Variants in PTPRU observed in about 807,000 individuals in gnomAD.
PTPRU encodes the protein protein tyrosine phosphatase receptor type U.
Under a neutral mutation model 166.3 loss-of-function variants are expected in PTPRU, and 69 were observed. The observed-to-expected ratio is 0.41, with a 90% confidence interval of 0.34 to 0.51. PTPRU has a LOEUF of 0.51. Ranked by LOEUF, PTPRU falls within the 20% of genes least tolerant of loss-of-function variation. PTPRU has a pLI of 0.09. For synonymous variants in PTPRU, 793 were observed against 814.0 expected, an observed-to-expected ratio of 0.97 and a Z score of 0.44; for missense variants, 1,657 against 2,013.7, an observed-to-expected ratio of 0.82 and a Z score of 3.39.
At chr1:29,243,116 C>T (rs1684130557) in intron 1 of PTPRU, among the ~76,000 whole-genome samples, 5 of 152,124 alleles carry the variant, frequency 3.3e-5, no homozygotes, top group Non-Finnish European at 1.5e-5. Context: ...CCAGGATGGT[C>T]TCCATCTCCT....
At chr1:29,259,775 G>A (rs780491751) in intron 5 of PTPRU, 95 bp from the exon 6 acceptor site, 374 of 1,387,058 alleles carry the variant, frequency 2.7e-4, no homozygotes, top group Non-Finnish European at 3.5e-4. Flanking sequence ...TGTCCGCGCG[G>A]TGTAGTAGGG....
chr1:29,263,931 C>G, intron 7 of PTPRU, among the ~76,000 whole-genome samples: 1 of 152,098 alleles, frequency 6.6e-6, no homozygotes, highest in East Asian at 1.9e-4. Flanking sequence ...AATCCCAGCA[C>G]TTTGGGGGGC....
At chr1:29,278,817 T>C (rs1260541488) in intron 8 of PTPRU, among the ~76,000 whole-genome samples, 195 bp from the exon 9 acceptor site, 1 of 152,284 alleles carries the variant, frequency 6.6e-6, no homozygotes, top group East Asian at 1.9e-4. Context: ...CTTGGGGCTT[T>C]ATGTACATCA....
At chr1:29,295,731 G>T (rs1448692635) in intron 15 of PTPRU, among the ~76,000 whole-genome samples, 3 of 151,902 alleles carry the variant, frequency 2.0e-5, no homozygotes, top group Non-Finnish European at 4.4e-5. Flanking sequence ...CTGTCACCCA[G>T]GCTGGAGTGC....
At chr1:29,323,555 A>G in intron 27 of PTPRU, 59 bp downstream of exon 27, 5 of 1,611,248 alleles carry the variant, frequency 3.1e-6, no homozygotes, top group Non-Finnish European at 4.2e-6. Flanking sequence ...GCAGCTTTTA[A>G]TGACCCTCTG....
chr1:29,309,696 G>A (rs760250318), intron 18 of PTPRU, among the ~76,000 whole-genome samples: 1 of 152,222 alleles, frequency 6.6e-6, no homozygotes, highest in Non-Finnish European at 1.5e-5. Flanking sequence ...TGAAAATGGA[G>A]GCATAGAGAA....
At chr1:29,265,255 G>A (rs1162168865) in intron 7 of PTPRU, among the ~76,000 whole-genome samples, 1 of 152,176 alleles carries the variant, frequency 6.6e-6, no homozygotes, top group Non-Finnish European at 1.5e-5. Flanking sequence ...CCAGCATTTA[G>A]TGTTGTCACT....
At chr1:29,318,778 G>A (rs1439849047) in intron 25 of PTPRU, among the ~76,000 whole-genome samples, 2 of 152,244 alleles carry the variant, frequency 1.3e-5, no homozygotes, top group Middle Eastern at 3.2e-3. Context: ...TCCAAGGGTA[G>A]GCTGGCCTGG....
intron 1 of PTPRU, among the ~76,000 whole-genome samples, chr1:29,249,972 G>A (rs1465243869): frequency 6.6e-6 from 1 of 152,188 alleles, no homozygotes; most frequent in Non-Finnish European, 1.5e-5. Context: ...TAGCTCCCAT[G>A]GCTTTAGCCA....
chr1:29,286,765 A>G (rs1574665750), intron 14 of PTPRU, among the ~76,000 whole-genome samples: 2 of 152,042 alleles, frequency 1.3e-5, no homozygotes, highest in African/African-American at 2.4e-5. Context: ...GACAGGCTGG[A>G]TCAGAAATGT....
At chr1:29,304,558 C>T (rs919374841) in intron 16 of PTPRU, among the ~76,000 whole-genome samples, 13 of 152,180 alleles carry the variant, frequency 8.5e-5, no homozygotes, top group Admixed American at 2.0e-4. Flanking sequence ...CCTCTTTTCT[C>T]ATTTCCCTTC....
At chr1:29,241,631 G>T (rs1684061533) in intron 1 of PTPRU, among the ~76,000 whole-genome samples, 1 of 149,516 alleles carries the variant, frequency 6.7e-6, no homozygotes, top group Non-Finnish European at 1.5e-5. Context: ...GTCTCACTCT[G>T]TCACCCAGGC....
In PTPRU at chr1:29,289,373, A is replaced by G. The variant is rs932810440; in HGVS notation, c.2319-2496A>G. Among the ~76,000 whole-genome samples the G allele has an allele frequency of 4.6e-5, 7 of 152,114 alleles. No homozygotes were observed. In the South Asian group the frequency reaches 1.4e-3, roughly 31 times the overall value. On this transcript the variant is annotated intron_variant, in intron 14 of 29. Coordinates refer to ENST00000373779, the MANE Select transcript of PTPRU (RefSeq NM_133178.4). ...AGTGTGTATGTGAGCATATATCTAC[A>G]TGTGTGTCTGTGTGAGTGTGCATAT...
rs79274972 is a variant in PTPRU at position 29,294,936 on chromosome 1, C to T, written c.2476+2910C>T. Among the ~76,000 whole-genome samples the T allele has an allele frequency of 4.1e-3, 618 of 152,286 alleles. 6 individuals are homozygous for T. Among genetic ancestry groups the T allele is most frequent in the African/African-American group, 0.013 (549 of 41,566 alleles). ...TTGGTTTGGTTGATTCCTAACCACACGGTCTAATTATCGAGGCTATTTAAG... is the reference window on the plus strand; with the variant it reads ...TTGGTTTGGTTGATTCCTAACCACATGGTCTAATTATCGAGGCTATTTAAG... On this transcript the variant is annotated intron_variant, in intron 15 of 29. Transcript: ENST00000373779.
intron 2 of PTPRU, among the ~76,000 whole-genome samples, chr1:29,256,562 C>T (rs1029595608): frequency 4.6e-5 from 7 of 152,204 alleles, no homozygotes; most frequent in Non-Finnish European, 7.3e-5. Context: ...CTGGCACAGG[C>T]GCCTCCTGCG....
rs116659236 is a variant in PTPRU, at chr1:29,320,771, C to T, written c.3774C>T (p.Tyr1258=). The T allele has an allele frequency of 3.9e-4, 625 of 1,607,514 alleles. 4 individuals carry two copies. The African/African-American group carries it at 6.5e-3, about 17-fold the overall frequency. Residue 1258 remains tyrosine (Y), a synonymous_variant, in exon 26 of 30, where the codon TAC becomes TAT. Coordinates refer to ENST00000373779, the MANE Select transcript of PTPRU (RefSeq NM_133178.4). The surrounding 1 kb of genome is among the most constrained non-coding windows in gnomAD (Gnocchi z 5.2). ...TPDFWRLVYD[Y]GCTSIVMLNQ... ...ACTTCTGGCGGCTGGTCTACGATTA[C>T]GGGTGCACCTCCATCGTCATGCTCA... is the stretch of plus-strand genomic sequence containing the variant.
intron 2 of PTPRU, among the ~76,000 whole-genome samples, 180 bp from the exon 3 acceptor site, chr1:29,258,325 G>A (rs1414094022): frequency 2.0e-5 from 3 of 152,196 alleles, no homozygotes; most frequent in Non-Finnish European, 4.4e-5. Context: ...TCTCCTGTGG[G>A]AAACAGATGC....
At chr1:29,313,865 T>A (rs903334936) in intron 22 of PTPRU, among the ~76,000 whole-genome samples, 3 of 150,860 alleles carry the variant, frequency 2.0e-5, no homozygotes, top group African/African-American at 2.4e-5. Context: ...TAAAAAAAAA[T>A]TTTTTTTTAA....
intron 14 of PTPRU, among the ~76,000 whole-genome samples, chr1:29,285,994 G>A (rs1377756902): frequency 1.3e-5 from 2 of 152,266 alleles, no homozygotes; most frequent in African/African-American, 4.8e-5. Flanking sequence ...GGCTTCTATA[G>A]CCCCTACTGC....
Sources: gnomAD v4.1 joint callset for allele counts (sites outside exome capture counted in the v4.1 genomes callset) on GRCh38, gnomAD v4.1.1 for gene constraint, Gnocchi (gnomAD v3.1) non-coding constraint, MANE v1.5 for transcripts, NCBI Gene and HGNC (gene_info 2026-07-23, HGNC 2026-07-21) for gene names.